Variants in LINS1 observed in about 807,000 individuals in gnomAD.
LINS1 encodes protein Lines homolog 1.
A neutral mutation model predicts 41.6 loss-of-function variants in LINS1; 27 were observed. The observed-to-expected ratio is 0.65, with a 90% CI of 0.48 to 0.89. The LOEUF (loss-of-function observed/expected upper bound fraction) is 0.89, where lower values mean the gene tolerates loss of function less well. LINS1 is among the 40% of genes least tolerant of loss of function. The pLI is 0.00. For missense variants in LINS1, 955 were observed against 884.1 expected (o/e 1.08, Z -1.02); for synonymous variants, 336 against 312.9 (o/e 1.07, Z -0.78).
At chr15:100,587,227 G>A (rs960575630) in intron 1 of LINS1, among the ~76,000 whole-genome samples, 9 of 148,052 alleles carry the variant, frequency 6.1e-5, no homozygotes, top group African/African-American at 1.7e-4. Flanking sequence ...GCCTGAAGCC[G>A]GATTTAGTGT....
chr15:100,567,100 C>G lies in LINS1; in HGVS notation c.*2138G>C, dbSNP rs908067495. 3.3e-5 allele frequency: 5 copies of G among 152,116 alleles called. No homozygotes were observed. The highest frequency in any genetic ancestry group is 1.2e-4 in the African/African-American group (5 of 41,500). 9.4% of individuals were successfully genotyped at this position (152,116 alleles called of 1,614,324 possible). A position where few individuals can be genotyped will look rare whatever the true frequency, so the allele number is the denominator to read the frequency against. On this transcript the variant is annotated 3_prime_UTR_variant, in exon 7 of 7. Transcript: ENST00000314742. The stretch of plus-strand genomic sequence containing the variant: ...TATGTCACAGAGTATACTCAACAAA[C>G]CTAGATGGCATAGCCTACTACACAC...
chr15:100,599,268 C>T (rs79976572), intron 1 of LINS1, among the ~76,000 whole-genome samples: 7 of 152,144 alleles, frequency 4.6e-5, no homozygotes, highest in South Asian at 4.2e-4. Flanking sequence ...ATAAATATTC[C>T]GCAATCTAAA....
intron 1 of LINS1, among the ~76,000 whole-genome samples, chr15:100,590,549 G>C (rs1287982963): frequency 1.3e-5 from 2 of 152,232 alleles, no homozygotes; most frequent in Non-Finnish European, 2.9e-5. Flanking sequence ...GCAATGATTA[G>C]AAATGTTTCC....
At chr15:100,589,625 A>G (rs1165995727) in intron 1 of LINS1, among the ~76,000 whole-genome samples, 1 of 152,250 alleles carries the variant, frequency 6.6e-6, no homozygotes. Context: ...TAGAAAAGAT[A>G]AAATGATCCA....
intron 1 of LINS1, among the ~76,000 whole-genome samples, chr15:100,599,293 T>C (rs550089957): frequency 5.8e-4 from 89 of 152,338 alleles, no homozygotes; most frequent in African/African-American, 2.1e-3. Flanking sequence ...TTTTACATCA[T>C]TGAAAAGTTA....
At chr15:100,582,030 A>G (rs140066179) in intron 1 of LINS1, among the ~76,000 whole-genome samples, 27 of 152,388 alleles carry the variant, frequency 1.8e-4, no homozygotes, top group African/African-American at 6.5e-4. Context: ...TGACCCGTTT[A>G]TAGACACACT....
chr15:100,580,380 C>A (rs1359241570), intron 2 of LINS1, 28 bp from the exon 3 acceptor site: 1 of 1,604,168 alleles, frequency 6.2e-7, no homozygotes, highest in South Asian at 1.1e-5. Context: ...TAATTAACCA[C>A]TATTGCTGAA....
At chr15:100,570,317 C>G (rs2037753657) in intron 6 of LINS1, 200 bp from the exon 7 acceptor site, 1 of 466,450 alleles carries the variant, frequency 2.1e-6, no homozygotes, top group East Asian at 3.4e-5. Flanking sequence ...GCAAAATCCA[C>G]TGACTTTGGC....
intron 1 of LINS1, among the ~76,000 whole-genome samples, chr15:100,584,591 G>T (rs750391919): frequency 3.3e-5 from 5 of 152,014 alleles, no homozygotes; most frequent in Non-Finnish European, 5.9e-5. Flanking sequence ...AAGTATTGGG[G>T]TTATGAGAGG....
chr15:100,573,775 T>A lies in LINS1; in HGVS notation c.1098A>T (p.Glu366Asp), dbSNP rs187811033. ...TGATAAGTTCACATTCAGGTTGAAC[T>A]TCATCACCTCCAAAAAAGGAATGTT... ...YEKHSFFGGD[E>D]VQPECELITS... Residue 366 changes from glutamate to aspartate, a missense_variant, in exon 5 of 7, where the codon GAA becomes GAT. Physicochemically the swap from Glu to Asp is conservative, Grantham distance 45. Coordinates refer to ENST00000314742, the MANE Select transcript of LINS1 (RefSeq NM_001040616.3). The A allele has an allele frequency of 6.2e-7, 1 of 1,614,196 alleles. No individual in the cohort carries two copies. The highest frequency in any genetic ancestry group is 1.7e-5 in the Admixed American group (1 of 60,030).
At position 100,569,393 on chromosome 15, in the gene LINS1, C is replaced by T. The variant is rs74039425; in HGVS notation, c.2119G>A (p.Gly707Arg). 3.8e-4 allele frequency: 615 copies of T among 1,613,926 alleles called. 3 individuals are homozygous for T. In the African/African-American group the frequency reaches 6.3e-3, roughly 16 times the overall value. ...CATTTTACTATTCTGTAAAATATTC[C>T]CACTTCAGAGACGACATCATTTGGG... is the stretch of plus-strand genomic sequence containing the variant. Reference protein sequence around the residue: ...VAPNDVVSEVGIFYRIVKCFQ... With the variant: ...VAPNDVVSEVRIFYRIVKCFQ... The change falls in exon 7 of 7, where the codon GGA (glycine) becomes AGA (arginine). Residue 707 changes from glycine to arginine, a missense_variant. Physicochemically the swap from Gly to Arg is moderately radical, Grantham distance 125 (BLOSUM62 -2). Transcript: ENST00000314742.
Position 100,580,290 on chromosome 15 carries a change from C to T in LINS1, c.462G>A (p.Leu154=), listed in dbSNP as rs752202106. ...TTTCTCTCAATTGGAAATATAGAAG[C>T]AATGCAAGGCACTGTGCAGCCATGT... The part of the protein sequence containing the change: ...LSHMAAQCLA[L]LLYFQLREKI... The change falls in exon 3 of 7, where the codon TTG becomes TTA. Residue 154 remains leucine, a synonymous_variant. Coordinates refer to ENST00000314742, the MANE Select transcript of LINS1 (RefSeq NM_001040616.3). 2.5e-6 allele frequency: 4 copies of T among 1,610,460 alleles called. No homozygotes were observed. In the African/African-American group the frequency reaches 5.3e-5, roughly 22 times the overall value.
rs8451 is a variant in LINS1 at position 100,569,472 on chromosome 15, C to G, written c.2040G>C (p.Arg680Ser). The change falls in exon 7 of 7, where the codon AGG (arginine) becomes AGC (serine). Residue 680 changes from arginine to serine, a missense_variant. Coordinates refer to ENST00000314742, the MANE Select transcript of LINS1 (RefSeq NM_001040616.3). The stretch of plus-strand genomic sequence containing the variant: ...TATCAAATTCTTTCAGAACCAGAGG[C>G]CTTGATGGAGGCTCAAGGCTAAATT... The part of the protein sequence containing the change: ...KKEFSLEPPS[R>S]PLVLKEFDTA... 1.2e-6 allele frequency: 2 copies of G among 1,613,832 alleles called. No individual in the cohort carries two copies. Among genetic ancestry groups the G allele is most frequent in the East Asian group, 4.5e-5 (2 of 44,868 alleles).
intron 1 of LINS1, among the ~76,000 whole-genome samples, chr15:100,600,565 A>AAAAAAAAAAAAAAAAC (rs1228533175): frequency 1.3e-5 from 2 of 150,622 alleles, no homozygotes; most frequent in African/African-American, 2.4e-5. Flanking sequence ...AAAAAAAAAA[A>AAAAAAAAAAAAAAAAC]AAAAAACAGG....
intron 5 of LINS1, 26 bp downstream of exon 5, chr15:100,573,625 C>T (rs551228027): frequency 3.0e-6 from 4 of 1,321,308 alleles, no homozygotes; most frequent in African/African-American, 2.9e-5. Context: ...TTACACACTG[C>T]ATACAAAAGG....
intron 1 of LINS1, among the ~76,000 whole-genome samples, chr15:100,600,551 C>CCAAAAAAAAAA (rs777968890): frequency 1.5e-4 from 12 of 79,676 alleles, no homozygotes; most frequent in African/African-American, 6.7e-4. Flanking sequence ...TGCTGTTAAG[C>CCAAAAAAAAAA]AAAAAAAAAA....
chr15:100,584,964 G>A (rs1281016465), intron 1 of LINS1, among the ~76,000 whole-genome samples: 1 of 152,170 alleles, frequency 6.6e-6, no homozygotes, highest in Non-Finnish European at 1.5e-5. Context: ...TACTCGACTG[G>A]CTAAGGACAA....
chr15:100,592,764 A>G (rs1279397682), intron 1 of LINS1, among the ~76,000 whole-genome samples: 2 of 152,220 alleles, frequency 1.3e-5, no homozygotes, highest in Non-Finnish European at 1.5e-5. Context: ...ATGGAAATCA[A>G]AAAATATTCA....
chr15:100,571,809 A>G, intron 6 of LINS1, 85 bp downstream of exon 6: 1 of 1,488,670 alleles, frequency 6.7e-7, no homozygotes, highest in Middle Eastern at 1.7e-4. Flanking sequence ...GATGAAAGTA[A>G]GCAACACGCC....
Sources: allele counts gnomAD v4.1 joint callset (sites outside exome capture counted in the v4.1 genomes callset), GRCh38; gene constraint gnomAD v4.1.1; transcripts MANE v1.5; gene names NCBI Gene and HGNC (gene_info 2026-07-23, HGNC 2026-07-21).